Variants in CPEB3 observed in about 807,000 individuals in gnomAD.
The protein encoded by CPEB3 is cytoplasmic polyadenylation element binding protein 3, also known as cytoplasmic polyadenylation element-binding protein 3.
A neutral mutation model predicts 67.2 loss-of-function variants in CPEB3; 20 were observed. The observed-to-expected ratio is 0.30, with a 90% confidence interval of 0.21 to 0.43. The LOEUF (loss-of-function observed/expected upper bound fraction) is 0.43. Ranked by LOEUF, CPEB3 falls within the 20% of genes least tolerant of loss-of-function variation. The pLI is 1.00. For synonymous variants in CPEB3, 376 were observed against 393.1 expected (o/e 0.96, Z 0.51); for missense variants, 746 against 968.6 (o/e 0.77, Z 3.05).
chr10:92,084,335 C>G (rs1843283811), intron 8 of CPEB3, among the ~76,000 whole-genome samples: 1 of 152,112 alleles, frequency 6.6e-6, no homozygotes, highest in African/African-American at 2.4e-5. Flanking sequence ...AAACCCTCAT[C>G]TGCTTATGCT....
intron 6 of CPEB3, among the ~76,000 whole-genome samples, chr10:92,128,277 T>C (rs970398863): frequency 1.3e-5 from 2 of 152,186 alleles, no homozygotes; most frequent in Non-Finnish European, 2.9e-5. Context: ...AGAAGAATTG[T>C]CTTGGGCCAC....
intron 4 of CPEB3, among the ~76,000 whole-genome samples, chr10:92,163,253 G>T (rs529810766): frequency 2.6e-5 from 4 of 152,220 alleles, no homozygotes; most frequent in African/African-American, 7.2e-5. Flanking sequence ...TGGGCAACAC[G>T]GTGAAACCTT....
chr10:92,084,080 G>T lies in CPEB3; in HGVS notation c.1688-2579C>A, dbSNP rs534839287. ...GCCGGGAGGCTGAGGGAAGAGAATG[G>T]CATGAACCTGGGAGCTGGACCTTGC... On this transcript the variant is annotated intron_variant, in intron 8 of 9. Coordinates refer to ENST00000265997, the MANE Select transcript of CPEB3 (RefSeq NM_014912.5). Among the ~76,000 whole-genome samples the T allele has an allele frequency of 6.7e-5, 10 of 149,524 alleles. No homozygotes were observed. In the South Asian group the frequency reaches 2.1e-3, roughly 31 times the overall value.
intron 4 of CPEB3, among the ~76,000 whole-genome samples, chr10:92,154,357 A>G (rs561366821): frequency 1.5e-5 from 2 of 133,760 alleles, no homozygotes; most frequent in Non-Finnish European, 3.1e-5. Flanking sequence ...TTTTTAAACT[A>G]TATGTAATTG....
At chr10:92,208,707 C>T (rs1170987314) in intron 2 of CPEB3, among the ~76,000 whole-genome samples, 2 of 151,916 alleles carry the variant, frequency 1.3e-5, no homozygotes, top group African/African-American at 2.4e-5. Flanking sequence ...CATTCTCATG[C>T]CTCAGCCTCC....
intron 1 of CPEB3, among the ~76,000 whole-genome samples, chr10:92,284,559 T>C (rs1212865016): frequency 6.6e-6 from 1 of 152,156 alleles, no homozygotes; most frequent in East Asian, 1.9e-4. Flanking sequence ...TTCTTTGGCC[T>C]GGAATGTTCT....
At chr10:92,232,000 G>T (rs1433387579) in intron 2 of CPEB3, among the ~76,000 whole-genome samples, 1 of 151,274 alleles carries the variant, frequency 6.6e-6, no homozygotes, top group Admixed American at 6.6e-5. Flanking sequence ...AATTATAGGT[G>T]TGAGCCACCA....
intron 4 of CPEB3, among the ~76,000 whole-genome samples, chr10:92,151,039 T>G (rs1846943955): frequency 6.6e-6 from 1 of 152,232 alleles, no homozygotes; most frequent in Admixed American, 6.5e-5. Flanking sequence ...AAATCATCTC[T>G]GAATGTGGAG....
At chr10:92,168,078 A>G (rs1163190905) in intron 4 of CPEB3, among the ~76,000 whole-genome samples, 2 of 152,222 alleles carry the variant, frequency 1.3e-5, no homozygotes, top group Non-Finnish European at 2.9e-5. Context: ...AACTGTTGCC[A>G]CAAACTTGGA....
intron 1 of CPEB3, among the ~76,000 whole-genome samples, chr10:92,290,314 G>A (rs1842798408): frequency 1.3e-5 from 2 of 151,956 alleles, no homozygotes; most frequent in Admixed American, 6.6e-5. Context: ...GACCCAAGGA[G>A]TGACTGATGA....
At chr10:92,185,953 C>T (rs1352787016) in intron 3 of CPEB3, among the ~76,000 whole-genome samples, 1 of 152,090 alleles carries the variant, frequency 6.6e-6, no homozygotes, top group African/African-American at 2.4e-5. Context: ...AACCTGTGAG[C>T]TTAGACCTGA....
intron 2 of CPEB3, among the ~76,000 whole-genome samples, chr10:92,200,918 C>T (rs1297925258): frequency 6.6e-6 from 1 of 152,158 alleles, no homozygotes; most frequent in African/African-American, 2.4e-5. Context: ...TCGGAATTAC[C>T]TGACATGACC....
chr10:92,109,999 C>T (rs74323458), intron 7 of CPEB3, among the ~76,000 whole-genome samples: 21,485 of 152,102 alleles, frequency 0.14, 1,822 homozygotes, highest in African/African-American at 0.22. Context: ...TCATTTTCCT[C>T]TTATCTGAGC....
chr10:92,258,326 C>G (rs934113547), intron 1 of CPEB3, among the ~76,000 whole-genome samples: 1 of 151,758 alleles, frequency 6.6e-6, no homozygotes, highest in Non-Finnish European at 1.5e-5. Flanking sequence ...TCTTGAACTC[C>G]TGACCTCAGG....
intron 4 of CPEB3, among the ~76,000 whole-genome samples, chr10:92,159,220 G>A (rs1038375183): frequency 6.6e-6 from 1 of 152,132 alleles, no homozygotes. Context: ...CTGAGATCAC[G>A]CCACTGCACT....
chr10:92,195,381 T>A (rs1849194575), intron 2 of CPEB3, among the ~76,000 whole-genome samples: 1 of 152,228 alleles, frequency 6.6e-6, no homozygotes, highest in Admixed American at 6.5e-5. Flanking sequence ...TTTAAAGTCT[T>A]CCTGCAGATC....
intron 1 of CPEB3, among the ~76,000 whole-genome samples, chr10:92,285,586 AACAT>A (rs1374175050): frequency 2.6e-5 from 4 of 152,186 alleles, no homozygotes; most frequent in Admixed American, 1.3e-4. Context: ...TTAAGTTTCT[AACAT>A]ATGAACATTG....
Position 92,239,494 on chromosome 10 carries a change from A to G in CPEB3, c.857T>C (p.Leu286Pro). ...CTTTTTGAGCGGCGAGATGGGGTTG[A>G]GCGGGGAAGGCACCCCGACACCCAC... is the stretch of plus-strand genomic sequence containing the variant. ...VGVGVGVPSPLNPISPLKKPF... is the reference protein window; with the variant it reads ...VGVGVGVPSPPNPISPLKKPF... The change falls in exon 2 of 10, where the codon CTC becomes CCC. Residue 286 changes from leucine (L) to proline (P), a missense_variant. Transcript: ENST00000265997. This position sits in a 1 kb window ranked among gnomAD's most constrained non-coding sequence, Gnocchi z 6.0. 1.3e-6 allele frequency: 2 copies of G among 1,586,036 alleles called. No individual in the cohort carries two copies. Among genetic ancestry groups the G allele is most frequent in the Non-Finnish European group, 1.7e-6 (2 of 1,165,770 alleles).
At chr10:92,252,160 A>C (rs1434116721) in intron 1 of CPEB3, among the ~76,000 whole-genome samples, 3 of 152,152 alleles carry the variant, frequency 2.0e-5, no homozygotes, top group Non-Finnish European at 4.4e-5. Context: ...AAAGATATTC[A>C]AATGACCAAA....
Sources: gnomAD v4.1 joint callset for allele counts (sites outside exome capture counted in the v4.1 genomes callset) on GRCh38, gnomAD v4.1.1 for gene constraint, Gnocchi (gnomAD v3.1) non-coding constraint, MANE v1.5 for transcripts, NCBI Gene and HGNC (gene_info 2026-07-23, HGNC 2026-07-21) for gene names.